RAPGEF5: variants seen among roughly 807,000 people sequenced by gnomAD.
RAPGEF5 encodes the protein Rap guanine nucleotide exchange factor 5.
In RAPGEF5, 65 loss-of-function variants were observed where a neutral mutation model predicts 125.2. The ratio of observed to expected loss-of-function variants is 0.52; its 90% CI spans 0.43 to 0.64. The LOEUF is 0.64. Among genes scored for constraint, RAPGEF5 ranks in the 30% least tolerant of loss-of-function variants. The pLI is 0.00. For missense variants in RAPGEF5, 958 were observed against 1,048.1 expected (o/e 0.91, Z 1.19); for synonymous variants, 391 against 385.9 (o/e 1.01, Z -0.16).
intron 25 of RAPGEF5, among the ~76,000 whole-genome samples, chr7:22,123,420 G>A (rs1208185617): frequency 2.0e-5 from 3 of 152,178 alleles, no homozygotes; most frequent in Non-Finnish European, 4.4e-5. Flanking sequence ...AAGGTGAGTG[G>A]TGAAGACATC....
At chr7:22,328,314 C>T (rs78329398) in intron 1 of RAPGEF5, among the ~76,000 whole-genome samples, 10,013 of 152,288 alleles carry the variant, frequency 0.066, 454 homozygotes, top group South Asian at 0.16. Flanking sequence ...TTTCATTCAC[C>T]GGCTTGAGCC....
intron 9 of RAPGEF5, chr7:22,194,569 C>T (rs1785101714): frequency 1.0e-6 from 1 of 982,924 alleles, no homozygotes; most frequent in Non-Finnish European, 1.2e-6. Flanking sequence ...AAACTACCCA[C>T]TCCATCATTC....
At chr7:22,124,605 T>A (rs1338302940) in intron 25 of RAPGEF5, among the ~76,000 whole-genome samples, 2 of 152,242 alleles carry the variant, frequency 1.3e-5, no homozygotes, top group African/African-American at 4.8e-5. Context: ...TTGTTAGCAG[T>A]ACTTTTCTTG....
chr7:22,169,041 A>C (rs1346725196), intron 11 of RAPGEF5, among the ~76,000 whole-genome samples: 2 of 152,338 alleles, frequency 1.3e-5, no homozygotes, highest in East Asian at 3.9e-4. Flanking sequence ...GTTAGCAATC[A>C]GTAGTCTAAC....
chr7:22,238,299 A>G (rs1786242812), intron 7 of RAPGEF5, among the ~76,000 whole-genome samples: 1 of 152,252 alleles, frequency 6.6e-6, no homozygotes, highest in African/African-American at 2.4e-5. Flanking sequence ...TTCTCGAATT[A>G]TCTCAATTAG....
intron 1 of RAPGEF5, among the ~76,000 whole-genome samples, chr7:22,354,647 G>A (rs886573393): frequency 6.6e-6 from 1 of 152,150 alleles, no homozygotes; most frequent in Non-Finnish European, 1.5e-5. Context: ...TTTAGGGTTA[G>A]ACTAGGTCAT....
In RAPGEF5 at chr7:22,304,705, G is replaced by A. The variant is rs375059016; in HGVS notation, c.680+3634C>T. ...TGCAGGACAGGAAAGGCTGAAAGGA[G>A]CTGCTGAAGAACGCCAGTCCCAAAC... On this transcript the variant is annotated intron_variant, in intron 5 of 25. Transcript: ENST00000665637. Among the ~76,000 whole-genome samples, 60 of 152,312 alleles carry A rather than the reference G, an allele frequency of 3.9e-4. No individual in the cohort carries two copies. The South Asian group carries it at 0.012, about 30-fold the overall frequency.
chr7:22,168,079 TTAGAG>T (rs1223386857), intron 11 of RAPGEF5, among the ~76,000 whole-genome samples: 2 of 151,386 alleles, frequency 1.3e-5, no homozygotes, highest in Non-Finnish European at 3.0e-5. Flanking sequence ...TAATAAATTA[TTAGAG>T]TAATTAGCTT....
chr7:22,183,807 G>A (rs1784748857), intron 11 of RAPGEF5, among the ~76,000 whole-genome samples: 1 of 152,138 alleles, frequency 6.6e-6, no homozygotes, highest in South Asian at 2.1e-4. Flanking sequence ...ACTCTAACCT[G>A]TCAGAAAGTG....
intron 9 of RAPGEF5, among the ~76,000 whole-genome samples, chr7:22,203,340 A>C (rs181963966): frequency 6.6e-6 from 1 of 152,290 alleles, no homozygotes; most frequent in Admixed American, 6.5e-5. Flanking sequence ...ACCAAAAACT[A>C]AAAGAAGGGA....
chr7:22,228,539 G>A (rs1347436069), intron 8 of RAPGEF5, among the ~76,000 whole-genome samples: 4 of 151,610 alleles, frequency 2.6e-5, no homozygotes, highest in Middle Eastern at 3.4e-3. Context: ...ATGGAGTCTC[G>A]CCCTGTCACC....
chr7:22,233,114 C>T (rs10499541), intron 7 of RAPGEF5, among the ~76,000 whole-genome samples: 13,958 of 152,126 alleles, frequency 0.092, 759 homozygotes, highest in Middle Eastern at 0.11. Flanking sequence ...AGAGGCAAGA[C>T]TATAAAGGGA....
At chr7:22,292,521 T>C (rs1176795185) in intron 5 of RAPGEF5, among the ~76,000 whole-genome samples, 1 of 152,236 alleles carries the variant, frequency 6.6e-6, no homozygotes, top group Admixed American at 6.5e-5. Context: ...CATTATAACT[T>C]GGGATCTTTT....
intron 7 of RAPGEF5, among the ~76,000 whole-genome samples, chr7:22,244,204 A>T (rs1786412123): frequency 6.6e-6 from 1 of 152,024 alleles, no homozygotes; most frequent in Non-Finnish European, 1.5e-5. Context: ...GTGTGTGTGT[A>T]TATACATATA....
At chr7:22,350,189 C>T (rs1784304794) in intron 1 of RAPGEF5, among the ~76,000 whole-genome samples, 1 of 152,102 alleles carries the variant, frequency 6.6e-6, no homozygotes, top group African/African-American at 2.4e-5. Context: ...AAGTCACTAC[C>T]AATGACTTAT....
chr7:22,292,499 G>A (rs564919555), intron 5 of RAPGEF5, among the ~76,000 whole-genome samples: 1 of 152,330 alleles, frequency 6.6e-6, no homozygotes, highest in Non-Finnish European at 1.5e-5. Context: ...AATAAAAACT[G>A]TGGGAACTGA....
intron 8 of RAPGEF5, 135 bp downstream of exon 8, chr7:22,230,711 G>T: frequency 1.3e-6 from 1 of 743,262 alleles, no homozygotes; most frequent in Non-Finnish European, 2.2e-6. Flanking sequence ...TCAAAACTGA[G>T]CACTTTATTC....
intron 1 of RAPGEF5, among the ~76,000 whole-genome samples, chr7:22,329,559 G>T (rs1456973253): frequency 6.6e-6 from 1 of 152,108 alleles, no homozygotes; most frequent in Non-Finnish European, 1.5e-5. Flanking sequence ...GAAATATTTT[G>T]ATGAAAAGAG....
At chr7:22,337,386 C>T (rs1347872112) in intron 1 of RAPGEF5, among the ~76,000 whole-genome samples, 3 of 152,164 alleles carry the variant, frequency 2.0e-5, no homozygotes, top group South Asian at 2.1e-4. Flanking sequence ...AAAGGCCACT[C>T]TTAGGTTCTA....
Sources: allele counts gnomAD v4.1 joint callset (sites outside exome capture counted in the v4.1 genomes callset), GRCh38; gene constraint gnomAD v4.1.1; transcripts MANE v1.5; gene names NCBI Gene and HGNC (gene_info 2026-07-23, HGNC 2026-07-21).